Variants in DPP6 observed in about 807,000 individuals in gnomAD.
The protein encoded by DPP6 is A-type potassium channel modulatory protein DPP6.
DPP6 carries 69 observed loss-of-function variants against 122.6 expected under a neutral mutation model. That is an observed-to-expected ratio of 0.56 (90% confidence interval 0.46 to 0.69). DPP6 has a LOEUF of 0.69. DPP6 is among the 30% of genes least tolerant of loss of function. The pLI, the probability that DPP6 is intolerant of heterozygous loss-of-function variation, is 0.00. For synonymous variants in DPP6, 418 were observed against 433.1 expected, an observed-to-expected ratio of 0.97 and a Z score of 0.43; for missense variants, 928 against 1,116.9, an observed-to-expected ratio of 0.83 and a Z score of 2.41.
At chr7:154,498,977 G>A (rs1824986624) in intron 3 of DPP6, among the ~76,000 whole-genome samples, 1 of 152,206 alleles carries the variant, frequency 6.6e-6, no homozygotes, top group South Asian at 2.1e-4. Context: ...AAGAAAAGTA[G>A]GCAGGTGAGT....
At chr7:154,794,466 A>T (rs1359912940) in intron 11 of DPP6, among the ~76,000 whole-genome samples, 1 of 152,216 alleles carries the variant, frequency 6.6e-6, no homozygotes, top group Non-Finnish European at 1.5e-5. Context: ...CGCCGTCCGC[A>T]GTTCACTGAG....
intron 1 of DPP6, among the ~76,000 whole-genome samples, chr7:154,093,472 C>G (rs572106697): frequency 1.6e-5 from 2 of 123,054 alleles, no homozygotes; most frequent in Non-Finnish European, 1.7e-5. Context: ...TATACCACAT[C>G]ATATACACCA....
chr7:154,826,647 G>C (rs573340024), intron 16 of DPP6, among the ~76,000 whole-genome samples: 2 of 152,164 alleles, frequency 1.3e-5, no homozygotes, highest in African/African-American at 2.4e-5. Context: ...CAACGACAAA[G>C]CCTAAATAGG....
intron 1 of DPP6, among the ~76,000 whole-genome samples, chr7:154,116,381 C>T (rs1053509175): frequency 6.6e-6 from 1 of 152,166 alleles, no homozygotes; most frequent in Non-Finnish European, 1.5e-5. Context: ...TTTGAATACA[C>T]CCCTTGCTCA....
chr7:154,804,843 G>C (rs528168954), intron 14 of DPP6, 74 bp from the exon 15 acceptor site: 1 of 1,553,170 alleles, frequency 6.4e-7, no homozygotes. Flanking sequence ...TGTCCATAGA[G>C]GTAGTGCCAG....
At chr7:154,728,457 C>T (rs1217510677) in intron 8 of DPP6, among the ~76,000 whole-genome samples, 1 of 152,198 alleles carries the variant, frequency 6.6e-6, no homozygotes, top group Non-Finnish European at 1.5e-5. Context: ...AACTAGAAGT[C>T]AGAGGGGGAA....
intron 1 of DPP6, among the ~76,000 whole-genome samples, chr7:154,207,448 T>G (rs142869081): frequency 1.6e-3 from 239 of 152,358 alleles, no homozygotes; most frequent in African/African-American, 5.6e-3. Context: ...TGCACCTAAA[T>G]CAGACCAGTC....
At position 154,201,033 on chromosome 7, in the gene DPP6, G is replaced by A. The variant is rs968238094; in HGVS notation, c.243+147970G>A. Among the ~76,000 whole-genome samples, 8 of 152,144 alleles carry A rather than the reference G, an allele frequency of 5.3e-5. No homozygotes were observed. In the South Asian group the frequency reaches 1.7e-3, roughly 32 times the overall value. On this transcript the variant is annotated intron_variant, in intron 1 of 25. Transcript: ENST00000377770. ...CAGAGGGCACGGTGGAACTTGTCTCGCTGAATATTCTGACGTGGTCAAGTT... is the reference window on the plus strand; with the variant it reads ...CAGAGGGCACGGTGGAACTTGTCTCACTGAATATTCTGACGTGGTCAAGTT...
intron 12 of DPP6, among the ~76,000 whole-genome samples, chr7:154,799,075 T>C (rs939020932): frequency 2.6e-5 from 4 of 152,152 alleles, no homozygotes; most frequent in Non-Finnish European, 5.9e-5. Flanking sequence ...CAGGAGAAAC[T>C]GGCATCTGGA....
chr7:154,031,092 C>A lies in DPP6; in HGVS notation c.51+143358C>A, dbSNP rs185093350. Among the ~76,000 whole-genome samples the A allele has an allele frequency of 2.1e-3, 314 of 152,192 alleles. 1 individual carries two copies. The highest frequency in any genetic ancestry group is 7.1e-3 in the African/African-American group (294 of 41,506). ...GCTATTACCTCTCCCTGGCTATTATCTCTTACTGACCATTATCCCCCAGGG... is the reference window on the plus strand; with the variant it reads ...GCTATTACCTCTCCCTGGCTATTATATCTTACTGACCATTATCCCCCAGGG... On this transcript the variant is annotated intron_variant, in intron 1 of 25. Coordinates refer to the DPP6 transcript ENST00000404039.
chr7:153,949,858 G>A (rs1381616918), intron 1 of DPP6, among the ~76,000 whole-genome samples: 1 of 152,194 alleles, frequency 6.6e-6, no homozygotes, highest in Non-Finnish European at 1.5e-5. Flanking sequence ...GAACCAGCTG[G>A]TGGGAATAAA....
At chr7:154,105,655 G>A (rs575688984) in intron 1 of DPP6, among the ~76,000 whole-genome samples, 1 of 152,266 alleles carries the variant, frequency 6.6e-6, no homozygotes, top group African/African-American at 2.4e-5. Context: ...GGTCTTTCCT[G>A]TGCTGTTCTC....
intron 3 of DPP6, among the ~76,000 whole-genome samples, chr7:154,517,316 G>A (rs1305388704): frequency 6.6e-6 from 1 of 152,170 alleles, no homozygotes; most frequent in East Asian, 1.9e-4. Flanking sequence ...GTCTGGGGCA[G>A]GTGTGTCCAG....
chr7:154,778,922 CTA>C (rs1796780940), intron 10 of DPP6, among the ~76,000 whole-genome samples: 1 of 149,526 alleles, frequency 6.7e-6, no homozygotes, highest in Non-Finnish European at 1.5e-5. Flanking sequence ...CCTCTGTCAC[CTA>C]CACAACCTCT....
chr7:154,826,336 T>A (rs1477820752), intron 16 of DPP6, among the ~76,000 whole-genome samples: 1 of 152,222 alleles, frequency 6.6e-6, no homozygotes, highest in Non-Finnish European at 1.5e-5. Flanking sequence ...TCTTGGTCAA[T>A]ATCCCATATT....
chr7:154,564,572 A>T (rs1830622338), intron 4 of DPP6, among the ~76,000 whole-genome samples: 1 of 152,220 alleles, frequency 6.6e-6, no homozygotes, highest in Non-Finnish European at 1.5e-5. Context: ...TGTTCACTTC[A>T]CCCGTGGATA....
At chr7:154,527,545 TAAATA>T (rs1827503144) in intron 3 of DPP6, among the ~76,000 whole-genome samples, 1 of 152,174 alleles carries the variant, frequency 6.6e-6, no homozygotes. Context: ...AGAAATAAAA[TAAATA>T]ATAGAACACT....
chr7:154,644,704 G>A (rs899050429), intron 6 of DPP6, among the ~76,000 whole-genome samples: 4 of 118,088 alleles, frequency 3.4e-5, no homozygotes, highest in Non-Finnish European at 6.8e-5. Flanking sequence ...ATCTTAAAAT[G>A]GCTTTTTTTT....
intron 1 of DPP6, among the ~76,000 whole-genome samples, chr7:154,367,259 T>C (rs1436896555): frequency 6.6e-6 from 1 of 152,226 alleles, no homozygotes; most frequent in African/African-American, 2.4e-5. Flanking sequence ...ATGGTCCCCT[T>C]GCCAGCCATA....
Sources: allele counts gnomAD v4.1 joint callset (sites outside exome capture counted in the v4.1 genomes callset), GRCh38; gene constraint gnomAD v4.1.1; transcripts MANE v1.5; gene names NCBI Gene and HGNC (gene_info 2026-07-23, HGNC 2026-07-21).